NUP210L: variants seen among roughly 807,000 people sequenced by gnomAD.
NUP210L encodes nuclear pore membrane glycoprotein 210-like.
A neutral mutation model predicts 208.5 loss-of-function variants in NUP210L; 74 were observed. That is an observed-to-expected ratio of 0.35 (90% CI 0.29 to 0.43). The LOEUF is 0.43. Ranked by LOEUF, NUP210L falls within the 20% of genes least tolerant of loss-of-function variation. The pLI is 1.00. For missense variants in NUP210L, 1,843 were observed against 2,289.4 expected, an observed-to-expected ratio of 0.81 and a Z score of 3.98; for synonymous variants, 780 against 816.9, an observed-to-expected ratio of 0.95 and a Z score of 0.77.
intron 14 of NUP210L, among the ~76,000 whole-genome samples, chr1:154,097,447 A>G (rs973087951): frequency 6.6e-6 from 1 of 152,204 alleles, no homozygotes; most frequent in Non-Finnish European, 1.5e-5. Context: ...TATATATAAA[A>G]TAAGCCTAAG....
chr1:154,092,616 A>C (rs1454691591), intron 15 of NUP210L, among the ~76,000 whole-genome samples: 1 of 148,890 alleles, frequency 6.7e-6, no homozygotes, highest in Non-Finnish European at 1.5e-5. Flanking sequence ...CATACTCCTG[A>C]CCTCAAATGA....
intron 33 of NUP210L, among the ~76,000 whole-genome samples, chr1:154,017,296 AAG>A (rs1491148505): frequency 4.9e-4 from 69 of 139,476 alleles, no homozygotes; most frequent in Admixed American, 6.3e-4. Flanking sequence ...AAAAAAAAAA[AAG>A]GGGGGGGCTC....
chr1:154,019,052 T>C (rs538444380), exon 33 of NUP210L: 2 of 1,614,086 alleles, frequency 1.2e-6, no homozygotes, highest in South Asian at 2.2e-5. Context: ...GCAGAAATCA[T>C]CCATATCCCA....
intron 27 of NUP210L, among the ~76,000 whole-genome samples, chr1:154,038,499 T>G (rs1652687807): frequency 6.6e-6 from 1 of 152,038 alleles, no homozygotes; most frequent in Non-Finnish European, 1.5e-5. Context: ...TGCACCACCA[T>G]GCCTGGCTAA....
chr1:154,135,176 A>C (rs1466882112), intron 7 of NUP210L, among the ~76,000 whole-genome samples: 1 of 152,212 alleles, frequency 6.6e-6, no homozygotes, highest in Non-Finnish European at 1.5e-5. Flanking sequence ...GTACAAATAG[A>C]AAAGAGAATT....
At chr1:154,091,294 C>T (rs1655899580) in intron 15 of NUP210L, among the ~76,000 whole-genome samples, 1 of 151,364 alleles carries the variant, frequency 6.6e-6, no homozygotes, top group South Asian at 2.1e-4. Context: ...CAGGGCTTTG[C>T]CATGTTGGCC....
chr1:154,023,145 G>T, exon 31 of NUP210L: 1 of 1,613,868 alleles, frequency 6.2e-7, no homozygotes, highest in Non-Finnish European at 8.5e-7. Flanking sequence ...GATAAAGCTG[G>T]GTATTGTGTG....
exon 20 of NUP210L, chr1:154,060,622 T>C: frequency 6.2e-7 from 1 of 1,611,464 alleles, no homozygotes; most frequent in East Asian, 2.2e-5. Flanking sequence ...ACCAGATCCT[T>C]CCACAAGGCT....
intron 16 of NUP210L, among the ~76,000 whole-genome samples, chr1:154,084,564 C>A (rs1655526909): frequency 1.3e-5 from 2 of 151,382 alleles, no homozygotes; most frequent in East Asian, 1.9e-4. Context: ...CTGGTGGAGA[C>A]CTTGCTTTAT....
chr1:154,139,683 C>CAAAA (rs1372698605), intron 5 of NUP210L, 119 bp downstream of exon 5: 1 of 761,322 alleles, frequency 1.3e-6, no homozygotes, highest in East Asian at 2.9e-5. Flanking sequence ...AACAAACAAA[C>CAAAA]AAACAAAAAA....
chr1:154,121,569 C>T (rs978321091), intron 10 of NUP210L, among the ~76,000 whole-genome samples: 9 of 152,032 alleles, frequency 5.9e-5, no homozygotes, highest in African/African-American at 1.9e-4. Context: ...GTTCTTCCAC[C>T]ATAAGAAACT....
chr1:154,136,614 C>T (rs1468950840), intron 6 of NUP210L, among the ~76,000 whole-genome samples: 2 of 151,734 alleles, frequency 1.3e-5, no homozygotes, highest in Admixed American at 6.6e-5. Flanking sequence ...CCAATACATA[C>T]TTTAAAAGCT....
At chr1:154,039,739 C>T (rs1398237827) in intron 27 of NUP210L, among the ~76,000 whole-genome samples, 1 of 152,052 alleles carries the variant, frequency 6.6e-6, no homozygotes, top group South Asian at 2.1e-4. Context: ...TTTCTTTATA[C>T]TTGACCTTTG....
At chr1:154,036,343 T>C (rs1652544517) in intron 27 of NUP210L, among the ~76,000 whole-genome samples, 1 of 145,926 alleles carries the variant, frequency 6.9e-6, no homozygotes, top group Non-Finnish European at 1.5e-5. Flanking sequence ...TGTGTGTGTG[T>C]GTGTGTGTGT....
intron 2 of NUP210L, among the ~76,000 whole-genome samples, chr1:154,148,192 G>A (rs913874362): frequency 1.3e-5 from 2 of 151,372 alleles, no homozygotes; most frequent in Non-Finnish European, 2.9e-5. Flanking sequence ...GCTTGAACCC[G>A]GGAGACGGAG....
intron 25 of NUP210L, among the ~76,000 whole-genome samples, chr1:154,052,268 G>T (rs377675787): frequency 6.6e-6 from 1 of 152,134 alleles, no homozygotes; most frequent in Non-Finnish European, 1.5e-5. Context: ...ATCAACAGCC[G>T]ATTTGGATAC....
At chr1:154,086,057 C>T (rs1174693431) in intron 16 of NUP210L, among the ~76,000 whole-genome samples, 1 of 151,478 alleles carries the variant, frequency 6.6e-6, no homozygotes, top group Non-Finnish European at 1.5e-5. Context: ...ACTAAAAATA[C>T]AAAAATTAGC....
At chr1:154,017,354 T>C (rs1360961569) in intron 33 of NUP210L, among the ~76,000 whole-genome samples, 2 of 150,832 alleles carry the variant, frequency 1.3e-5, no homozygotes, top group African/African-American at 2.4e-5. Flanking sequence ...AGCACCAGTC[T>C]CCATACTGCA....
chr1:154,134,905 T>A (rs931031215), intron 7 of NUP210L, among the ~76,000 whole-genome samples: 5 of 151,510 alleles, frequency 3.3e-5, no homozygotes. Flanking sequence ...GCCCGGCTAA[T>A]TTTTGTATTT....
Sources: allele counts gnomAD v4.1 joint callset (sites outside exome capture counted in the v4.1 genomes callset), GRCh38; gene constraint gnomAD v4.1.1; transcripts MANE v1.5; gene names NCBI Gene and HGNC (gene_info 2026-07-23, HGNC 2026-07-21).